Variants in MYO1D observed in about 807,000 individuals in gnomAD.
MYO1D encodes unconventional myosin-Id.
A neutral mutation model predicts 122.0 loss-of-function variants in MYO1D; 83 were observed. The observed-to-expected ratio is 0.68, with a 90% CI of 0.57 to 0.82. The LOEUF is 0.82. Ranked by LOEUF, MYO1D falls within the 40% of genes least tolerant of loss-of-function variation. MYO1D has a pLI of 0.00. For missense variants in MYO1D, 1,157 were observed against 1,269.5 expected (o/e 0.91, Z 1.35); for synonymous variants, 464 against 446.9 (o/e 1.04, Z -0.48).
At chr17:32,738,666 C>A (rs1028593662) in intron 13 of MYO1D, among the ~76,000 whole-genome samples, 12 of 152,128 alleles carry the variant, frequency 7.9e-5, no homozygotes, top group African/African-American at 2.4e-4. Context: ...CTAGGACCCT[C>A]AAATGGTCAA....
At chr17:32,611,833 C>T (rs1287239166) in intron 20 of MYO1D, among the ~76,000 whole-genome samples, 4 of 152,104 alleles carry the variant, frequency 2.6e-5, no homozygotes, top group Admixed American at 6.5e-5. Flanking sequence ...AGCGAGACTC[C>T]GTCTCAAAAA....
At chr17:32,683,922 G>A (rs533309146) in intron 16 of MYO1D, among the ~76,000 whole-genome samples, 3 of 152,142 alleles carry the variant, frequency 2.0e-5, no homozygotes, top group Non-Finnish European at 4.4e-5. Context: ...AGGACCCTCC[G>A]AGCCAGGTGT....
At chr17:32,560,044 C>T (rs190455469) in intron 21 of MYO1D, among the ~76,000 whole-genome samples, 159 of 152,318 alleles carry the variant, frequency 1.0e-3, no homozygotes, top group African/African-American at 3.6e-3. Context: ...ATCACGAGGT[C>T]AGGAGTTCAA....
At chr17:32,549,081 A>G (rs1857690022) in intron 21 of MYO1D, among the ~76,000 whole-genome samples, 1 of 152,132 alleles carries the variant, frequency 6.6e-6, no homozygotes, top group African/African-American at 2.4e-5. Flanking sequence ...ATGTTACACA[A>G]AATGCATAAT....
intron 8 of MYO1D, among the ~76,000 whole-genome samples, chr17:32,764,610 C>T (rs377739356): frequency 7.2e-4 from 110 of 152,156 alleles, no homozygotes; most frequent in African/African-American, 2.5e-3. Context: ...TTGACTCTGG[C>T]GAAGCATTAT....
intron 16 of MYO1D, among the ~76,000 whole-genome samples, chr17:32,693,030 A>G (rs1158265580): frequency 1.3e-5 from 2 of 152,258 alleles, no homozygotes; most frequent in East Asian, 3.8e-4. Context: ...TCTGTAATAC[A>G]GTCTTCCTCC....
At chr17:32,537,328 G>C (rs1910691984) in intron 21 of MYO1D, among the ~76,000 whole-genome samples, 1 of 152,178 alleles carries the variant, frequency 6.6e-6, no homozygotes, top group Admixed American at 6.5e-5. Flanking sequence ...AGTTTTACTG[G>C]AACACAGCCA....
intron 20 of MYO1D, chr17:32,627,590 GTC>G (rs1229064082): frequency 6.6e-6 from 1 of 152,048 alleles, no homozygotes; most frequent in East Asian, 1.9e-4. Flanking sequence ...TCAGATAATT[GTC>G]TCTTTTCTCT....
At position 32,749,002 on chromosome 17, in the gene MYO1D, C is replaced by T; in HGVS notation, c.1472G>A (p.Cys491Tyr). ...AAACTCCAGAATTTTGTCTGAGGCACAGAGCTAAGGAATCAAGAAGGATAT... is the reference window on the plus strand; with the variant it reads ...AAACTCCAGAATTTTGTCTGAGGCATAGAGCTAAGGAATCAAGAAGGATAT... ...KHAHFSSRKL[C>Y]ASDKILEFDR... The change falls in exon 12 of 22, where the codon TGT becomes TAT. Residue 491 changes from cysteine to tyrosine, a missense_variant. By Grantham distance (194) the Cys-to-Tyr change is radical. Coordinates refer to ENST00000318217, the MANE Select transcript of MYO1D (RefSeq NM_015194.3). 6.2e-7 allele frequency: 1 copy of T among 1,612,318 alleles called. No individual in the cohort carries two copies. Among genetic ancestry groups the T allele is most frequent in the African/African-American group, 1.3e-5 (1 of 74,972 alleles).
chr17:32,547,055 C>A (rs989787283), intron 21 of MYO1D, among the ~76,000 whole-genome samples: 8 of 148,428 alleles, frequency 5.4e-5, no homozygotes, highest in African/African-American at 2.0e-4. Context: ...AACTACATCA[C>A]CGTGCCCAGC....
intron 21 of MYO1D, among the ~76,000 whole-genome samples, chr17:32,504,352 G>A (rs551700354): frequency 1.3e-5 from 2 of 152,290 alleles, no homozygotes; most frequent in East Asian, 1.9e-4. Flanking sequence ...CCCTGCCCAC[G>A]TTCTCTTTGC....
intron 21 of MYO1D, among the ~76,000 whole-genome samples, chr17:32,555,631 C>T (rs771670009): frequency 6.6e-6 from 1 of 152,226 alleles, no homozygotes; most frequent in Non-Finnish European, 1.5e-5. Flanking sequence ...CTGCCTCCTC[C>T]TTGGCTTTCC....
intron 20 of MYO1D, 38 bp from the exon 21 acceptor site, chr17:32,605,279 T>C (rs760127005): frequency 2.0e-6 from 3 of 1,512,870 alleles, no homozygotes; most frequent in East Asian, 2.3e-5. Context: ...ATTTGGATCA[T>C]TCTCAAAAGA....
At chr17:32,838,509 T>C (rs186659809) in intron 1 of MYO1D, among the ~76,000 whole-genome samples, 1 of 152,242 alleles carries the variant, frequency 6.6e-6, no homozygotes, top group East Asian at 1.9e-4. Flanking sequence ...ACTATTTTTA[T>C]GGTGCTTGAA....
chr17:32,654,640 C>T lies in MYO1D; in HGVS notation c.2346-19G>A. ...TCTCCATCTACAAGTAAATAGACAA[C>T]ATGTATTAGACTTTAGAAATGCAAT... On this transcript the variant is annotated intron_variant, in intron 17 of 21. Transcript: ENST00000318217. 6.3e-7 allele frequency: 1 copy of T among 1,583,420 alleles called. No homozygotes were observed. The highest frequency in any genetic ancestry group is 1.2e-5 in the South Asian group (1 of 86,568).
At chr17:32,527,269 C>T (rs1465577248) in intron 21 of MYO1D, among the ~76,000 whole-genome samples, 1 of 152,194 alleles carries the variant, frequency 6.6e-6, no homozygotes, top group Non-Finnish European at 1.5e-5. Context: ...TGAAGCTGTG[C>T]CTGGCGCTGC....
chr17:32,778,668 T>C (rs2090205101), intron 2 of MYO1D, 95 bp from the exon 3 acceptor site: 5 of 1,131,270 alleles, frequency 4.4e-6, no homozygotes, highest in Non-Finnish European at 6.4e-6. Context: ...ATACTGGTGA[T>C]GCATTTAAAA....
At chr17:32,519,560 C>A (rs978409015) in intron 21 of MYO1D, among the ~76,000 whole-genome samples, 2 of 151,876 alleles carry the variant, frequency 1.3e-5, no homozygotes, top group Admixed American at 6.6e-5. Flanking sequence ...TGAAACGAAG[C>A]CGCTGCCCGA....
At chr17:32,742,637 C>G (rs1256190079) in intron 13 of MYO1D, among the ~76,000 whole-genome samples, 3 of 152,212 alleles carry the variant, frequency 2.0e-5, no homozygotes, top group Non-Finnish European at 2.9e-5. Context: ...ATTTGTCCCT[C>G]AAAATGAATG....
Sources: gnomAD v4.1 joint callset for allele counts (sites outside exome capture counted in the v4.1 genomes callset) on GRCh38, gnomAD v4.1.1 for gene constraint, MANE v1.5 for transcripts, NCBI Gene and HGNC (gene_info 2026-07-23, HGNC 2026-07-21) for gene names.